HS3ST5: variants seen among roughly 807,000 people sequenced by gnomAD.
The protein encoded by HS3ST5 is heparan sulfate-glucosamine 3-sulfotransferase 5, also known as heparan sulfate glucosamine 3-O-sulfotransferase 5.
Under a neutral mutation model 25.4 loss-of-function variants are expected in HS3ST5, and 10 were observed. The ratio of observed to expected loss-of-function variants is 0.39; its 90% CI spans 0.24 to 0.67. The LOEUF (loss-of-function observed/expected upper bound fraction) is 0.67. HS3ST5 is among the 30% of genes least tolerant of loss of function. HS3ST5 has a pLI of 0.44. For synonymous variants in HS3ST5, 170 were observed against 162.4 expected (o/e 1.05, Z -0.36); for missense variants, 324 against 420.7 (o/e 0.77, Z 2.01).
At chr6:114,134,458 G>A (rs1448204410) in intron 3 of HS3ST5, among the ~76,000 whole-genome samples, 1 of 152,186 alleles carries the variant, frequency 6.6e-6, no homozygotes, top group Non-Finnish European at 1.5e-5. Context: ...GAGTGGCAGA[G>A]AGGCTAAAGG....
intron 3 of HS3ST5, among the ~76,000 whole-genome samples, chr6:114,116,808 C>T (rs1315387177): frequency 6.6e-6 from 1 of 152,112 alleles, no homozygotes; most frequent in Non-Finnish European, 1.5e-5. Flanking sequence ...ACCTTAATTG[C>T]TGCCCTTCCT....
chr6:114,246,871 A>G (rs1229396006), intron 1 of HS3ST5, among the ~76,000 whole-genome samples: 1 of 152,220 alleles, frequency 6.6e-6, no homozygotes, highest in Non-Finnish European at 1.5e-5. Context: ...CTGTTACTTT[A>G]TCTACACAGA....
chr6:114,202,507 A>G (rs554905421), intron 2 of HS3ST5, among the ~76,000 whole-genome samples: 3 of 152,174 alleles, frequency 2.0e-5, no homozygotes, highest in Non-Finnish European at 4.4e-5. Context: ...GAATATTTGA[A>G]CAAATTAAAC....
chr6:114,074,185 C>T (rs745507540), intron 3 of HS3ST5, among the ~76,000 whole-genome samples: 1 of 151,914 alleles, frequency 6.6e-6, no homozygotes, highest in Non-Finnish European at 1.5e-5. Context: ...AGGAGAAATA[C>T]CTAGTGTAAA....
chr6:114,184,471 A>T (rs1191118473), intron 2 of HS3ST5, among the ~76,000 whole-genome samples: 2 of 152,184 alleles, frequency 1.3e-5, no homozygotes, highest in African/African-American at 4.8e-5. Context: ...GCAACTGCCA[A>T]TCTGAACTAA....
chr6:114,278,405 G>A (rs185002284), intron 1 of HS3ST5, among the ~76,000 whole-genome samples: 13 of 152,030 alleles, frequency 8.6e-5, no homozygotes, highest in Non-Finnish European at 1.3e-4. Context: ...GAAGGTTAGA[G>A]TCAAAAAGAA....
intron 1 of HS3ST5, among the ~76,000 whole-genome samples, chr6:114,257,181 G>C (rs187181456): frequency 6.6e-6 from 1 of 152,296 alleles, no homozygotes; most frequent in East Asian, 1.9e-4. Context: ...GATTTGGATG[G>C]GGACACTGCC....
chr6:114,251,506 C>A (rs74334301), intron 1 of HS3ST5: 1 of 152,234 alleles, frequency 6.6e-6, no homozygotes, highest in Non-Finnish European at 1.5e-5. Context: ...TTCCCTTTCC[C>A]CCTTCCTTAC....
intron 3 of HS3ST5, among the ~76,000 whole-genome samples, chr6:114,072,339 T>A (rs185204975): frequency 6.6e-6 from 1 of 152,258 alleles, no homozygotes; most frequent in African/African-American, 2.4e-5. Flanking sequence ...TTAACACAGA[T>A]GGTAGAGTCA....
intron 3 of HS3ST5, among the ~76,000 whole-genome samples, chr6:114,142,489 G>A (rs912983943): frequency 3.3e-5 from 5 of 152,146 alleles, no homozygotes; most frequent in Non-Finnish European, 7.3e-5. Flanking sequence ...GGAGAAAGGA[G>A]GGAGCAGTTA....
At chr6:114,202,908 T>C (rs1322948004) in intron 2 of HS3ST5, among the ~76,000 whole-genome samples, 1 of 152,206 alleles carries the variant, frequency 6.6e-6, no homozygotes, top group Non-Finnish European at 1.5e-5. Context: ...GTGTTGCAAA[T>C]AATTTAAATT....
chr6:114,226,247 T>C (rs577595015), intron 2 of HS3ST5, among the ~76,000 whole-genome samples: 51 of 151,980 alleles, frequency 3.4e-4, no homozygotes, highest in Non-Finnish European at 6.8e-4. Context: ...ATTGTCATAA[T>C]TTGAAATTAT....
At chr6:114,097,622 G>T (rs572108361) in intron 3 of HS3ST5, among the ~76,000 whole-genome samples, 1 of 151,896 alleles carries the variant, frequency 6.6e-6, no homozygotes, top group East Asian at 1.9e-4. Context: ...TATATTTGGA[G>T]TCTATTTTGT....
intron 1 of HS3ST5, chr6:114,251,935 T>C (rs1934360396): frequency 1.3e-5 from 2 of 152,264 alleles, no homozygotes; most frequent in South Asian, 4.1e-4. Flanking sequence ...CTTTTCCTTG[T>C]GTCTTCTGTT....
At chr6:114,159,991 G>T (rs1044210715) in intron 3 of HS3ST5, among the ~76,000 whole-genome samples, 2 of 152,136 alleles carry the variant, frequency 1.3e-5, no homozygotes, top group African/African-American at 4.8e-5. Flanking sequence ...AAGTGTGACT[G>T]CATTTGTTTA....
Position 114,185,355 on chromosome 6 carries a change from C to T in HS3ST5, c.-144-16893G>A, listed in dbSNP as rs189587723. Reference sequence around the variant, plus strand: ...TTCCCCCAGAGAGCTTTCTCTCCCTCCTTCTGCCATGTGAAGACACAGCAA... The same window carrying T: ...TTCCCCCAGAGAGCTTTCTCTCCCTTCTTCTGCCATGTGAAGACACAGCAA... On this transcript the variant is annotated intron_variant, in intron 2 of 4. Coordinates refer to ENST00000312719, the MANE Select transcript of HS3ST5 (RefSeq NM_153612.4). Among the ~76,000 whole-genome samples, 38 of 152,278 alleles carry T rather than the reference C, an allele frequency of 2.5e-4. No individual in the cohort carries two copies. In the East Asian group the frequency reaches 6.8e-3, roughly 27 times the overall value.
At position 114,055,995 on chromosome 6, in the gene HS3ST5, A is replaced by G. The variant is rs189519917; in HGVS notation, c.*1262T>C. 22 of 152,340 alleles carry G rather than the reference A, an allele frequency of 1.4e-4. No individual in the cohort carries two copies. The highest frequency in any genetic ancestry group is 5.3e-4 in the African/African-American group (22 of 41,568). 9.4% of individuals were successfully genotyped at this position (152,340 alleles called of 1,614,324 possible). ...CTGAATCCTTTCAGAGCAAATTGAT[A>G]TATTTTCAACTAACAGGGAGAGTTG... On this transcript the variant is annotated 3_prime_UTR_variant, in exon 5 of 5. Coordinates refer to ENST00000312719, the MANE Select transcript of HS3ST5 (RefSeq NM_153612.4).
intron 3 of HS3ST5, among the ~76,000 whole-genome samples, chr6:114,116,744 T>TC (rs1370275602): frequency 2.0e-5 from 3 of 152,076 alleles, no homozygotes; most frequent in Non-Finnish European, 4.4e-5. Context: ...ATCTCCATTT[T>TC]CCCCCACCAC....
At chr6:114,234,222 T>G (rs1310561145) in intron 1 of HS3ST5, among the ~76,000 whole-genome samples, 3 of 152,052 alleles carry the variant, frequency 2.0e-5, no homozygotes, top group Non-Finnish European at 4.4e-5. Context: ...AGTAATTGCC[T>G]TTGGGTTTCT....
Sources: gnomAD v4.1 joint callset for allele counts (sites outside exome capture counted in the v4.1 genomes callset) on GRCh38, gnomAD v4.1.1 for gene constraint, MANE v1.5 for transcripts, NCBI Gene and HGNC (gene_info 2026-07-23, HGNC 2026-07-21) for gene names.